Variants in DOCK9 observed in about 807,000 individuals in gnomAD.
The protein encoded by DOCK9 is dedicator of cytokinesis protein 9.
In DOCK9, 89 loss-of-function variants were observed where a neutral mutation model predicts 263.3. That is an observed-to-expected ratio of 0.34 (90% CI 0.28 to 0.40). The LOEUF (loss-of-function observed/expected upper bound fraction) is 0.40. Among genes scored for constraint, DOCK9 ranks in the 10% least tolerant of loss-of-function variants. DOCK9 has a pLI of 1.00. For missense variants in DOCK9, 2,140 were observed against 2,603.4 expected (o/e 0.82, Z 3.87); for synonymous variants, 976 against 973.1 (o/e 1.00, Z -0.06).
chr13:98,933,330 C>CT (rs2054257903), intron 2 of DOCK9, among the ~76,000 whole-genome samples: 1 of 151,724 alleles, frequency 6.6e-6, no homozygotes, highest in Non-Finnish European at 1.5e-5. Flanking sequence ...GGAAATAGAT[C>CT]TTTTTTATTC....
chr13:98,849,418 T>C (rs184961158), intron 36 of DOCK9, among the ~76,000 whole-genome samples: 47 of 144,874 alleles, frequency 3.2e-4, no homozygotes, highest in African/African-American at 1.1e-3. Context: ...TGAACAATAA[T>C]AGTTCTGCAG....
At chr13:99,077,926 T>C (rs2142437978) in intron 1 of DOCK9, among the ~76,000 whole-genome samples, 1 of 152,238 alleles carries the variant, frequency 6.6e-6, no homozygotes, top group South Asian at 2.1e-4. Flanking sequence ...CCTTGGCCCA[T>C]AACGACTGAT....
At chr13:99,047,861 AG>A (rs1004951704) in intron 1 of DOCK9, among the ~76,000 whole-genome samples, 2 of 152,032 alleles carry the variant, frequency 1.3e-5, no homozygotes, top group Non-Finnish European at 2.9e-5. Context: ...CCACCTTTCC[AG>A]GAAAGTGTCC....
At chr13:98,985,104 C>T (rs1012619564) in intron 1 of DOCK9, among the ~76,000 whole-genome samples, 5 of 151,742 alleles carry the variant, frequency 3.3e-5, no homozygotes, top group East Asian at 1.9e-4. Context: ...GTGGGGCCTG[C>T]GCTCTCAGCT....
rs397951090 is a variant in DOCK9, at chr13:98,917,643, T to TTC, written c.718-2141_718-2140insGA. Among the ~76,000 whole-genome samples the TTC allele has an allele frequency of 2.6e-5, 3 of 113,346 alleles. No homozygotes were observed. In the South Asian group the frequency reaches 1.1e-3, roughly 43 times the overall value. The allele number at this position is 113,346 out of a possible 152,430, so 74.4% of individuals were successfully genotyped here. ...CTTTCATGTATTTTACCTTTTTTTT[T>TTC]CTTTTTTTTTTTTTCGGCAGGGCGG... On this transcript the variant is annotated intron_variant, in intron 7 of 52. Transcript: ENST00000682017.
chr13:99,079,127 C>T (rs918007806), intron 1 of DOCK9, among the ~76,000 whole-genome samples: 8 of 152,208 alleles, frequency 5.3e-5, no homozygotes, highest in Admixed American at 1.3e-4. Flanking sequence ...CATGTGAATG[C>T]GGCCGTGGAG....
At chr13:99,043,139 C>A (rs189989991) in intron 1 of DOCK9, among the ~76,000 whole-genome samples, 1 of 152,212 alleles carries the variant, frequency 6.6e-6, no homozygotes, top group Non-Finnish European at 1.5e-5. Flanking sequence ...CCTGTCCCAC[C>A]GCCATCCAAT....
chr13:98,827,142 C>T (rs565809527), intron 43 of DOCK9, among the ~76,000 whole-genome samples: 1 of 152,286 alleles, frequency 6.6e-6, no homozygotes, highest in South Asian at 2.1e-4. Flanking sequence ...AGAATTATTA[C>T]ATTTGTAAAG....
In DOCK9 at chr13:98,838,765, T is replaced by C. The variant is rs539927594; in HGVS notation, c.4199-1156A>G. ...TATAATAAAACACCATGTAATGTCTTTCTCCAAGGAGCAAAATTAAAGCGA... is the reference window on the plus strand; with the variant it reads ...TATAATAAAACACCATGTAATGTCTCTCTCCAAGGAGCAAAATTAAAGCGA... On this transcript the variant is annotated intron_variant, in intron 38 of 52. Transcript: ENST00000682017. Among the ~76,000 whole-genome samples, 12 of 152,350 alleles carry C rather than the reference T, an allele frequency of 7.9e-5. No individual in the cohort carries two copies. The South Asian group carries it at 1.9e-3, about 24-fold the overall frequency.
At position 98,884,777 on chromosome 13, in the gene DOCK9, G is replaced by C. The variant is rs150428559; in HGVS notation, c.2382+194C>G. Among the ~76,000 whole-genome samples, 346 of 152,324 alleles carry C rather than the reference G, an allele frequency of 2.3e-3. 4 individuals carry two copies. Among genetic ancestry groups the C allele is most frequent in the African/African-American group, 8.2e-3 (340 of 41,586 alleles). ...TCAGGGCTTACAAAATGCCCAAACT[G>C]TAATTCTGACATTGAGGTAACTGCT... On this transcript the variant is annotated intron_variant, in intron 21 of 52. Transcript: ENST00000682017.
chr13:99,055,778 C>T (rs977234536), intron 1 of DOCK9, among the ~76,000 whole-genome samples: 1 of 151,676 alleles, frequency 6.6e-6, no homozygotes, highest in African/African-American at 2.4e-5. Context: ...GCCTGTACAG[C>T]CTTTCTCCAG....
At chr13:98,944,246 A>T (rs1391007240) in intron 2 of DOCK9, among the ~76,000 whole-genome samples, 2 of 152,194 alleles carry the variant, frequency 1.3e-5, no homozygotes, top group Non-Finnish European at 2.9e-5. Context: ...TACTTGATGT[A>T]TACAGGTGGT....
chr13:98,859,730 TG>T (rs1322858033), intron 33 of DOCK9: 2 of 95,402 alleles, frequency 2.1e-5, no homozygotes, highest in Admixed American at 2.3e-4. Context: ...TATGTGTGTT[TG>T]TGTGTGTGTG....
chr13:98,944,462 A>T (rs140705562), intron 2 of DOCK9, among the ~76,000 whole-genome samples: 1 of 151,532 alleles, frequency 6.6e-6, no homozygotes, highest in East Asian at 1.9e-4. Context: ...ATACTTTGTA[A>T]GCATAAAAAT....
chr13:99,026,180 A>G (rs1886692505), intron 1 of DOCK9, among the ~76,000 whole-genome samples: 1 of 152,172 alleles, frequency 6.6e-6, no homozygotes, highest in Non-Finnish European at 1.5e-5. Context: ...TTGGAAAGTA[A>G]TAAAGATGTT....
At chr13:98,819,286 G>T (rs1243109389) in intron 45 of DOCK9, among the ~76,000 whole-genome samples, 2 of 152,190 alleles carry the variant, frequency 1.3e-5, no homozygotes, top group Admixed American at 6.5e-5. Flanking sequence ...AATCTCTGAG[G>T]CAGGGACTTC....
At chr13:98,826,533 A>G (rs986995715) in intron 44 of DOCK9, among the ~76,000 whole-genome samples, 1 of 152,242 alleles carries the variant, frequency 6.6e-6, no homozygotes, top group African/African-American at 2.4e-5. Context: ...AGGGAAAAAT[A>G]GTATCTTCTT....
chr13:98,937,689 T>C (rs181566660), intron 2 of DOCK9, among the ~76,000 whole-genome samples: 17 of 146,520 alleles, frequency 1.2e-4, no homozygotes, highest in African/African-American at 4.3e-4. Flanking sequence ...AGTCTCAATA[T>C]TTATGGGACA....
At chr13:99,039,754 G>A (rs961965124) in intron 1 of DOCK9, among the ~76,000 whole-genome samples, 2 of 152,158 alleles carry the variant, frequency 1.3e-5, no homozygotes, top group Non-Finnish European at 2.9e-5. Flanking sequence ...AAACCATTAA[G>A]GGCTGAGTAC....
Sources: allele counts gnomAD v4.1 joint callset (sites outside exome capture counted in the v4.1 genomes callset), GRCh38; gene constraint gnomAD v4.1.1; transcripts MANE v1.5; gene names NCBI Gene and HGNC (gene_info 2026-07-23, HGNC 2026-07-21).